The following B3GALT1 variants were observed in gnomAD, a reference collection of about 807,000 sequenced individuals.
B3GALT1 encodes beta-1,3-galactosyltransferase 1, also known as UDP-Gal:betaGlcNAc beta 1,3-galactosyltransferase, polypeptide 1.
Under a neutral mutation model 23.2 loss-of-function variants are expected in B3GALT1, and 10 were observed. The ratio of observed to expected loss-of-function variants is 0.43; its 90% confidence interval spans 0.27 to 0.73. The LOEUF (loss-of-function observed/expected upper bound fraction) is 0.73. Ranked by LOEUF, B3GALT1 falls within the 30% of genes least tolerant of loss-of-function variation. B3GALT1 has a pLI of 0.21. For missense variants in B3GALT1, 299 were observed against 405.4 expected, an observed-to-expected ratio of 0.74 and a Z score of 2.25; for synonymous variants, 156 against 141.5, an observed-to-expected ratio of 1.10 and a Z score of -0.73.
chr2:167,313,122 C>T (rs888649683), intron 1 of B3GALT1, among the ~76,000 whole-genome samples: 1 of 152,070 alleles, frequency 6.6e-6, no homozygotes, highest in Admixed American at 6.6e-5. Flanking sequence ...CCAGATGCTA[C>T]AACAACTTGG....
chr2:167,300,120 A>C (rs562797620), intron 1 of B3GALT1, among the ~76,000 whole-genome samples: 1 of 152,078 alleles, frequency 6.6e-6, no homozygotes, highest in Non-Finnish European at 1.5e-5. Flanking sequence ...GGCCAGGCTC[A>C]TCTTGAATTC....
At chr2:167,829,569 G>T (rs1390025564) in intron 4 of B3GALT1, among the ~76,000 whole-genome samples, 5 of 152,106 alleles carry the variant, frequency 3.3e-5, no homozygotes, top group Non-Finnish European at 7.3e-5. Context: ...GACAGAAAGG[G>T]GAGCCAAGTC....
chr2:167,377,197 T>A (rs1390127118), intron 1 of B3GALT1, among the ~76,000 whole-genome samples: 1 of 152,188 alleles, frequency 6.6e-6, no homozygotes, highest in African/African-American at 2.4e-5. Flanking sequence ...GGACTGATAG[T>A]ATGGTTGGTA....
At chr2:167,402,658 T>A (rs1449393912) in intron 1 of B3GALT1, among the ~76,000 whole-genome samples, 3 of 152,166 alleles carry the variant, frequency 2.0e-5, no homozygotes, top group African/African-American at 7.2e-5. Flanking sequence ...GGGAGTTAAA[T>A]AACTCTATGA....
intron 2 of B3GALT1, among the ~76,000 whole-genome samples, chr2:167,545,068 T>A (rs916186911): frequency 8.3e-6 from 1 of 120,440 alleles, no homozygotes; most frequent in Admixed American, 1.1e-4. Context: ...ACAGTCTCGC[T>A]CTGTCGCCCA....
chr2:167,704,099 T>C (rs934025377), intron 3 of B3GALT1, among the ~76,000 whole-genome samples: 1 of 144,408 alleles, frequency 6.9e-6, no homozygotes, highest in African/African-American at 2.6e-5. Flanking sequence ...GGGAATGGCG[T>C]GAACCCGGGA....
intron 2 of B3GALT1, among the ~76,000 whole-genome samples, chr2:167,594,784 T>G (rs1684747368): frequency 2.0e-5 from 3 of 152,092 alleles, no homozygotes; most frequent in African/African-American, 7.2e-5. Context: ...CAGGTGCCTG[T>G]AATCCGAGCT....
At chr2:167,616,893 C>T (rs1685171061) in intron 2 of B3GALT1, among the ~76,000 whole-genome samples, 1 of 151,982 alleles carries the variant, frequency 6.6e-6, no homozygotes, top group Non-Finnish European at 1.5e-5. Flanking sequence ...ATTCAGATCT[C>T]CTCTATCTGA....
chr2:167,812,840 C>T lies in B3GALT1; in HGVS notation c.-351-5832C>T, dbSNP rs1688915701. Among the ~76,000 whole-genome samples, 3 of 152,092 alleles carry T rather than the reference C, an allele frequency of 2.0e-5. No homozygotes were observed. In the South Asian group the frequency reaches 6.2e-4, roughly 32 times the overall value. ...ATATCCCCTGTTTGATCAGCAGAAA[C>T]AGTAACTGGGTTTATATTTTACAGT... On this transcript the variant is annotated intron_variant, in intron 3 of 4. Coordinates refer to ENST00000392690, the MANE Select transcript of B3GALT1 (RefSeq NM_020981.4).
chr2:167,684,909 G>A (rs1274558367), intron 3 of B3GALT1, among the ~76,000 whole-genome samples: 7 of 151,480 alleles, frequency 4.6e-5, no homozygotes, highest in Admixed American at 2.0e-4. Context: ...CCTGGGGCTC[G>A]TGAAAAATAG....
At chr2:167,496,819 A>G (rs1699789645) in intron 2 of B3GALT1, among the ~76,000 whole-genome samples, 1 of 152,156 alleles carries the variant, frequency 6.6e-6, no homozygotes, top group African/African-American at 2.4e-5. Flanking sequence ...TCTTTCTACC[A>G]CATGAGGATA....
At chr2:167,708,786 G>A (rs542279650) in intron 3 of B3GALT1, among the ~76,000 whole-genome samples, 1 of 152,306 alleles carries the variant, frequency 6.6e-6, no homozygotes, top group South Asian at 2.1e-4. Context: ...GCTTATTGAT[G>A]TGCCCAGTTT....
intron 3 of B3GALT1, among the ~76,000 whole-genome samples, chr2:167,808,650 T>C (rs1457990265): frequency 6.6e-6 from 1 of 151,622 alleles, no homozygotes; most frequent in East Asian, 1.9e-4. Flanking sequence ...TGCAGAGATA[T>C]CCGCTGTTAG....
chr2:167,479,852 G>C (rs1340984806), intron 1 of B3GALT1, among the ~76,000 whole-genome samples: 4 of 152,108 alleles, frequency 2.6e-5, no homozygotes, highest in Non-Finnish European at 5.9e-5. Flanking sequence ...CAGAGGGTTA[G>C]AGGCTTTCAA....
chr2:167,460,770 GTTTT>G (rs1699247894), intron 1 of B3GALT1, among the ~76,000 whole-genome samples: 1 of 151,868 alleles, frequency 6.6e-6, no homozygotes, highest in Non-Finnish European at 1.5e-5. Flanking sequence ...TTTTATTGTT[GTTTT>G]TGTTTATTAT....
chr2:167,795,317 G>A (rs1558981523), intron 3 of B3GALT1, among the ~76,000 whole-genome samples: 1 of 152,160 alleles, frequency 6.6e-6, no homozygotes, highest in South Asian at 2.1e-4. Context: ...AAGGGGAAGA[G>A]TATTCTGTGA....
chr2:167,632,648 T>C (rs1437468069), intron 2 of B3GALT1, among the ~76,000 whole-genome samples: 1 of 152,058 alleles, frequency 6.6e-6, no homozygotes, highest in Non-Finnish European at 1.5e-5. Flanking sequence ...GATTCGTTTG[T>C]TTTTTTCTTG....
chr2:167,329,045 T>G (rs946512996), intron 1 of B3GALT1, among the ~76,000 whole-genome samples: 16 of 152,094 alleles, frequency 1.1e-4, no homozygotes, highest in Non-Finnish European at 2.2e-4. Context: ...ACTCCTGACC[T>G]CAGGTGATCC....
In B3GALT1 at chr2:167,639,035, A is replaced by G. The variant is rs1042322566; in HGVS notation, c.-409-7874A>G. On this transcript the variant is annotated intron_variant, in intron 2 of 4. Coordinates refer to ENST00000392690, the MANE Select transcript of B3GALT1 (RefSeq NM_020981.4). Reference sequence around the variant, plus strand: ...AGTATGCTTAGTTAATACTTTCACAAGTTTGAACTTCTAATTAAGATGTAA... The same window carrying G: ...AGTATGCTTAGTTAATACTTTCACAGGTTTGAACTTCTAATTAAGATGTAA... Among the ~76,000 whole-genome samples, 7 of 152,168 alleles carry G rather than the reference A, an allele frequency of 4.6e-5. No individual in the cohort carries two copies. In the East Asian group the frequency reaches 1.4e-3, roughly 29 times the overall value.
Sources: gnomAD v4.1 joint callset for allele counts (sites outside exome capture counted in the v4.1 genomes callset) on GRCh38, gnomAD v4.1.1 for gene constraint, MANE v1.5 for transcripts, NCBI Gene and HGNC (gene_info 2026-07-23, HGNC 2026-07-21) for gene names.